The following KIAA1217 variants were observed in gnomAD, a reference collection of about 807,000 sequenced individuals.
KIAA1217 encodes the protein sickle tail protein homolog.
KIAA1217 carries 88 observed loss-of-function variants against 163.9 expected under a neutral mutation model. That is an observed-to-expected ratio of 0.54 (90% CI 0.45 to 0.64). The LOEUF (loss-of-function observed/expected upper bound fraction) is 0.64, where lower values mean the gene tolerates loss of function less well. Ranked by LOEUF, KIAA1217 falls within the 30% of genes least tolerant of loss-of-function variation. KIAA1217 has a pLI of 0.00. For synonymous variants in KIAA1217, 903 were observed against 923.1 expected, an observed-to-expected ratio of 0.98 and a Z score of 0.39; for missense variants, 2,372 against 2,475.0, an observed-to-expected ratio of 0.96 and a Z score of 0.88.
At chr10:23,867,346 A>G (rs2131151190) in intron 1 of KIAA1217, among the ~76,000 whole-genome samples, 1 of 151,868 alleles carries the variant, frequency 6.6e-6, no homozygotes, top group Non-Finnish European at 1.5e-5. Context: ...CATGATTTAT[A>G]GTCCTTTGGG....
At chr10:23,787,669 C>T (rs16923847) in intron 1 of KIAA1217, among the ~76,000 whole-genome samples, 2,956 of 152,170 alleles carry the variant, frequency 0.019, 104 homozygotes, top group African/African-American at 0.067. Context: ...AACAAAAATC[C>T]GCCACAATGC....
chr10:24,402,523 C>CAAAAA lies in KIAA1217; in HGVS notation c.553+21460_553+21461insAAAAA, dbSNP rs1173653514. Reference sequence around the variant, plus strand: ...GACTCCCTCTCAAAAAAACAAAAAACAAAACAAAAAAAAAAAAAAGGCAAA... The same window carrying CAAAAA: ...GACTCCCTCTCAAAAAAACAAAAAACAAAAAAAAACAAAAAAAAAAAAAAGGCAAA... On this transcript the variant is annotated intron_variant, in intron 3 of 20. Coordinates refer to ENST00000376454, the MANE Select transcript of KIAA1217 (RefSeq NM_019590.5). 7.7e-4 allele frequency among the ~76,000 whole-genome samples: 55 copies of CAAAAA among 71,022 alleles called. 1 individual carries two copies. The highest frequency in any genetic ancestry group is 2.0e-3 in the Admixed American group (15 of 7,690). 46.6% of individuals were successfully genotyped at this position (71,022 alleles called of 152,430 possible). A position where few individuals can be genotyped will look rare whatever the true frequency, so the allele number is the denominator to read the frequency against.
intron 1 of KIAA1217, among the ~76,000 whole-genome samples, chr10:23,817,044 G>A (rs952109092): frequency 2.0e-5 from 3 of 152,164 alleles, no homozygotes; most frequent in Non-Finnish European, 2.9e-5. Context: ...CAGATAATCC[G>A]CATAGTTGGA....
At chr10:23,932,458 C>T (rs1843296736) in intron 1 of KIAA1217, among the ~76,000 whole-genome samples, 1 of 151,118 alleles carries the variant, frequency 6.6e-6, no homozygotes, top group Non-Finnish European at 1.5e-5. Flanking sequence ...AAAACATTCA[C>T]TGTTAAAAGC....
intron 2 of KIAA1217, among the ~76,000 whole-genome samples, chr10:24,096,409 C>A (rs1335776927): frequency 1.6e-4 from 25 of 152,210 alleles, no homozygotes; most frequent in Admixed American, 1.6e-3. Flanking sequence ...CCTATTTAGT[C>A]ACCCAGTAGG....
chr10:24,102,707 AAAG>A (rs1282743961), intron 2 of KIAA1217, among the ~76,000 whole-genome samples: 1 of 152,250 alleles, frequency 6.6e-6, no homozygotes, highest in African/African-American at 2.4e-5. Context: ...AGTTCAGCCA[AAAG>A]AATAAATTCC....
chr10:24,435,897 G>T (rs1454223779), intron 4 of KIAA1217, among the ~76,000 whole-genome samples: 1 of 151,710 alleles, frequency 6.6e-6, no homozygotes, highest in African/African-American at 2.4e-5. Context: ...ATTTCACTCG[G>T]TCGCCCAGGT....
At chr10:23,843,034 T>C (rs1369187025) in intron 1 of KIAA1217, among the ~76,000 whole-genome samples, 1 of 152,180 alleles carries the variant, frequency 6.6e-6, no homozygotes, top group Non-Finnish European at 1.5e-5. Flanking sequence ...AGACTTCCAG[T>C]ATGTGAAACC....
chr10:24,155,019 C>A (rs949403687), intron 2 of KIAA1217, among the ~76,000 whole-genome samples: 1 of 151,752 alleles, frequency 6.6e-6, no homozygotes, highest in Admixed American at 6.6e-5. Context: ...TACAGAGTTC[C>A]AGTGTTGCAA....
intron 1 of KIAA1217, among the ~76,000 whole-genome samples, chr10:23,917,696 G>A (rs188899023): frequency 6.6e-6 from 1 of 152,282 alleles, no homozygotes; most frequent in African/African-American, 2.4e-5. Context: ...GTAACACAGG[G>A]CTCTCCCCAG....
At position 24,130,162 on chromosome 10, in the gene KIAA1217, G is replaced by GTTA. The variant is rs750021273; in HGVS notation, c.-170-89448_-170-89446dup. 1.4e-3 allele frequency among the ~76,000 whole-genome samples: 208 copies of GTTA among 151,956 alleles called. 2 individuals carry two copies. The highest frequency in any genetic ancestry group is 1.2e-3 in the Non-Finnish European group (79 of 67,960). On this transcript the variant is annotated intron_variant, in intron 2 of 18. Transcript: ENST00000376462. ...AAAACTTCCTAGATTGGGCTATTGG[G>GTTA]TTATTATTATTATTATTAATTTAGA...
At chr10:24,423,614 C>T (rs989017018) in intron 3 of KIAA1217, among the ~76,000 whole-genome samples, 3 of 152,202 alleles carry the variant, frequency 2.0e-5, no homozygotes, top group Non-Finnish European at 2.9e-5. Context: ...CATGCACCAC[C>T]ACACCCAGCT....
chr10:23,918,776 A>C (rs1414576982), intron 1 of KIAA1217, among the ~76,000 whole-genome samples: 1 of 151,926 alleles, frequency 6.6e-6, no homozygotes, highest in East Asian at 1.9e-4. Context: ...ATATATAGTA[A>C]GTGACAATAA....
At chr10:24,310,753 T>C (rs2042594337) in intron 2 of KIAA1217, among the ~76,000 whole-genome samples, 1 of 152,086 alleles carries the variant, frequency 6.6e-6, no homozygotes, top group Non-Finnish European at 1.5e-5. Context: ...TCCCAGCACT[T>C]TAGGTGGCCG....
intron 2 of KIAA1217, among the ~76,000 whole-genome samples, chr10:24,034,932 C>T (rs756491537): frequency 3.3e-5 from 5 of 152,214 alleles, no homozygotes; most frequent in Non-Finnish European, 5.9e-5. Context: ...TTTGCAGCCA[C>T]CCAAGTGCAG....
chr10:24,545,743 C>T, intron 20 of KIAA1217, 84 bp from the exon 21 acceptor site: 1 of 1,523,028 alleles, frequency 6.6e-7, no homozygotes, highest in Non-Finnish European at 8.8e-7. Context: ...GAATTATTCT[C>T]AGAAGGGCTG....
At chr10:24,324,607 G>A (rs1190415482) in intron 2 of KIAA1217, among the ~76,000 whole-genome samples, 1 of 152,006 alleles carries the variant, frequency 6.6e-6, no homozygotes, top group African/African-American at 2.4e-5. Flanking sequence ...AAAACCCACA[G>A]CAACAAAGAA....
intron 1 of KIAA1217, among the ~76,000 whole-genome samples, chr10:23,907,247 G>T (rs1842198462): frequency 6.6e-6 from 1 of 151,502 alleles, no homozygotes; most frequent in East Asian, 1.9e-4. Flanking sequence ...TTTTTTTGAG[G>T]GCTGTATTAG....
intron 1 of KIAA1217, among the ~76,000 whole-genome samples, chr10:23,719,787 G>A (rs1191376868): frequency 6.7e-6 from 1 of 149,882 alleles, no homozygotes; most frequent in Non-Finnish European, 1.5e-5. Context: ...GAGTAGTGGT[G>A]CATGCCTGTA....
Sources: gnomAD v4.1 joint callset for allele counts (sites outside exome capture counted in the v4.1 genomes callset) on GRCh38, gnomAD v4.1.1 for gene constraint, MANE v1.5 for transcripts, NCBI Gene and HGNC (gene_info 2026-07-23, HGNC 2026-07-21) for gene names.